Variants in IGF1R observed in about 807,000 individuals in gnomAD.
IGF1R encodes insulin like growth factor 1 receptor.
Under a neutral mutation model 144.6 loss-of-function variants are expected in IGF1R, and 44 were observed. The ratio of observed to expected loss-of-function variants is 0.30; its 90% CI spans 0.24 to 0.39. IGF1R has a LOEUF of 0.39. Ranked by LOEUF, IGF1R falls within the 10% of genes least tolerant of loss-of-function variation. The pLI is 1.00. For missense variants in IGF1R, 1,355 were observed against 1,833.7 expected, an observed-to-expected ratio of 0.74 and a Z score of 4.77; for synonymous variants, 795 against 722.8, an observed-to-expected ratio of 1.10 and a Z score of -1.60.
chr15:98,675,694 C>T lies in IGF1R; in HGVS notation c.94+26019C>T, dbSNP rs116733176. On this transcript the variant is annotated intron_variant, in intron 1 of 20. Transcript: ENST00000650285. ...TTTTTCTTTTAATTCTTTAATACTT[C>T]TAGAATGTATTTGTAGTTAAGTGAA... 5.4e-3 allele frequency among the ~76,000 whole-genome samples: 822 copies of T among 152,064 alleles called. 6 individuals are homozygous for T. The highest frequency in any genetic ancestry group is 0.019 in the African/African-American group (790 of 41,492).
chr15:98,683,211 A>G (rs1451564735), intron 1 of IGF1R, among the ~76,000 whole-genome samples: 1 of 152,050 alleles, frequency 6.6e-6, no homozygotes, highest in Admixed American at 6.6e-5. Flanking sequence ...GGGTTTTAAG[A>G]GAGATCTGAC....
At chr15:98,941,751 G>C (rs2016373529) in intron 18 of IGF1R, among the ~76,000 whole-genome samples, 1 of 152,214 alleles carries the variant, frequency 6.6e-6, no homozygotes, top group African/African-American at 2.4e-5. Context: ...GTTGGTTCAA[G>C]TCCAAGGAAC....
chr15:98,730,091 G>C (rs371512864), intron 2 of IGF1R, among the ~76,000 whole-genome samples: 71 of 152,258 alleles, frequency 4.7e-4, no homozygotes, highest in African/African-American at 1.6e-3. Context: ...TGTCTGTGTT[G>C]AGTTTTCTGT....
At chr15:98,860,039 C>T (rs1205184519) in intron 2 of IGF1R, among the ~76,000 whole-genome samples, 1 of 152,180 alleles carries the variant, frequency 6.6e-6, no homozygotes, top group Non-Finnish European at 1.5e-5. Context: ...CCTCAGCCTC[C>T]CGAGTAGCTG....
At chr15:98,734,020 C>G (rs996540932) in intron 2 of IGF1R, among the ~76,000 whole-genome samples, 2 of 152,128 alleles carry the variant, frequency 1.3e-5, no homozygotes, top group African/African-American at 2.4e-5. Flanking sequence ...GTAACATTAG[C>G]CTGCCTCGTA....
chr15:98,676,381 C>T (rs964084321), intron 1 of IGF1R, among the ~76,000 whole-genome samples: 3 of 152,160 alleles, frequency 2.0e-5, no homozygotes, highest in African/African-American at 7.2e-5. Flanking sequence ...TGCGATCCGC[C>T]TGCCTCGACC....
chr15:98,876,322 AAAAAAGAG>A (rs1310167878), intron 2 of IGF1R, among the ~76,000 whole-genome samples: 1 of 151,214 alleles, frequency 6.6e-6, no homozygotes, highest in Non-Finnish European at 1.5e-5. Context: ...GTTAAAAAAA[AAAAAAGAG>A]AGAGAGAGTC....
At chr15:98,899,267 C>T (rs1245006704) in intron 4 of IGF1R, among the ~76,000 whole-genome samples, 1 of 152,224 alleles carries the variant, frequency 6.6e-6, no homozygotes, top group African/African-American at 2.4e-5. Flanking sequence ...AGAAACTTGG[C>T]TTCCCCTGCC....
intron 1 of IGF1R, among the ~76,000 whole-genome samples, chr15:98,705,933 G>C (rs1219338556): frequency 6.6e-6 from 1 of 152,206 alleles, no homozygotes; most frequent in Non-Finnish European, 1.5e-5. Context: ...CATCAGATCT[G>C]CTGGCACATG....
intron 20 of IGF1R, among the ~76,000 whole-genome samples, chr15:98,951,054 T>G (rs2016754549): frequency 6.6e-6 from 1 of 152,334 alleles, no homozygotes; most frequent in East Asian, 1.9e-4. Context: ...AGCTGCTGCT[T>G]CCGAACATAG....
At chr15:98,781,403 A>T (rs1411312616) in intron 2 of IGF1R, among the ~76,000 whole-genome samples, 1 of 152,186 alleles carries the variant, frequency 6.6e-6, no homozygotes, top group Non-Finnish European at 1.5e-5. Flanking sequence ...CCTCCAAATT[A>T]AATTACTAAT....
At position 98,891,727 on chromosome 15, in the gene IGF1R, C is replaced by A. The variant is rs188607735; in HGVS notation, c.953+90C>A. 28 of 1,310,708 alleles carry A rather than the reference C, an allele frequency of 2.1e-5. No homozygotes were observed. The highest frequency in any genetic ancestry group is 2.9e-5 in the Non-Finnish European group (27 of 937,698). The allele number at this position is 1,310,708 out of a possible 1,614,324, so 81.2% of individuals were successfully genotyped here. A position where few individuals can be genotyped will look rare whatever the true frequency, so the allele number is the denominator to read the frequency against. ...GGTAGACTCTGTCGGTTGTTTCATC[C>A]GGGTGCAGCCCTCAGGAAGTTCACT... On this transcript the variant is annotated intron_variant, in intron 3 of 20. Transcript: ENST00000650285. The surrounding 1 kb of genome is among the most constrained non-coding windows in gnomAD (Gnocchi z 4.7).
chr15:98,948,733 G>C, intron 20 of IGF1R, 25 bp downstream of exon 20: 2 of 1,613,266 alleles, frequency 1.2e-6, no homozygotes, highest in Non-Finnish European at 1.7e-6. Context: ...GGCCCTCCGT[G>C]CTCTTCTGAG....
intron 2 of IGF1R, among the ~76,000 whole-genome samples, chr15:98,833,111 G>A (rs1328826178): frequency 6.6e-6 from 1 of 152,078 alleles, no homozygotes; most frequent in African/African-American, 2.4e-5. Context: ...GTATCCCCTG[G>A]TACCCTCTCC....
At chr15:98,728,109 C>T (rs186975995) in intron 2 of IGF1R, among the ~76,000 whole-genome samples, 45 of 148,892 alleles carry the variant, frequency 3.0e-4, no homozygotes, top group African/African-American at 1.1e-3. Context: ...AAGCGGGTTG[C>T]CCTGAAGATG....
At chr15:98,803,498 T>TTTTATTTATTTATTTATTTA (rs3076065) in intron 2 of IGF1R, among the ~76,000 whole-genome samples, 87,815 of 144,346 alleles carry the variant, frequency 0.61, 27,600 homozygotes, top group Non-Finnish European at 0.68. Flanking sequence ...GAATATTACA[T>TTTTATTTATTTATTTATTTA]TTTATTTATT....
At chr15:98,764,596 TAATTA>T (rs1033350072) in intron 2 of IGF1R, among the ~76,000 whole-genome samples, 4 of 152,342 alleles carry the variant, frequency 2.6e-5, no homozygotes, top group African/African-American at 9.6e-5. Flanking sequence ...TTTTCAGAGA[TAATTA>T]AATAATAGAA....
At chr15:98,918,687 G>A (rs903312597) in intron 10 of IGF1R, among the ~76,000 whole-genome samples, 9 of 152,104 alleles carry the variant, frequency 5.9e-5, no homozygotes, top group African/African-American at 1.9e-4. Context: ...GAGACCAGCC[G>A]GGCATCATGG....
chr15:98,941,117 G>T (rs2151716546), intron 18 of IGF1R, among the ~76,000 whole-genome samples: 1 of 152,362 alleles, frequency 6.6e-6, no homozygotes, highest in African/African-American at 2.4e-5. Context: ...TGCCGCTAAT[G>T]GGTGAGAGAC....
Sources: allele counts gnomAD v4.1 joint callset (sites outside exome capture counted in the v4.1 genomes callset), GRCh38; gene constraint gnomAD v4.1.1; non-coding constraint Gnocchi (gnomAD v3.1); transcripts MANE v1.5; gene names NCBI Gene and HGNC (gene_info 2026-07-23, HGNC 2026-07-21).